TAF1: variants seen among roughly 807,000 people sequenced by gnomAD.
TAF1 encodes the protein transcription initiation factor TFIID subunit 1.
Under a neutral mutation model 138.5 loss-of-function variants are expected in TAF1, and 2 were observed. The ratio of observed to expected loss-of-function variants is 0.01; its 90% CI spans 0.01 to 0.05. The LOEUF (loss-of-function observed/expected upper bound fraction) is 0.05. Among genes scored for constraint, TAF1 ranks in the 10% least tolerant of loss-of-function variants. The pLI is 1.00. For synonymous variants in TAF1, 437 were observed against 503.2 expected (o/e 0.87, Z 1.76); for missense variants, 709 against 1,478.0 (o/e 0.48, Z 8.53).
At chrX:71,457,556 A>T (rs1476384874) in intron 34 of TAF1, among the ~76,000 whole-genome samples, 1 of 112,225 alleles carries the variant, frequency 8.9e-6, no homozygotes, top group Non-Finnish European at 1.9e-5. Context: ...CAGGGCAGAA[A>T]ACAGGGAAGG....
At chrX:71,367,832 G>T (rs28382152) in intron 2 of TAF1, among the ~76,000 whole-genome samples, 1,837 of 111,299 alleles carry the variant, frequency 0.017, 33 homozygotes, top group African/African-American at 0.057. Flanking sequence ...CACCACGCCC[G>T]GCTAATTTTT....
intron 13 of TAF1, among the ~76,000 whole-genome samples, chrX:71,479,786 A>G (rs1337812568): frequency 1.8e-5 from 2 of 111,505 alleles, no homozygotes; most frequent in Non-Finnish European, 3.8e-5. Flanking sequence ...AATGTCAGAT[A>G]TACTTTTGTA....
chrX:71,413,053 T>C (rs1206613182), intron 28 of TAF1, among the ~76,000 whole-genome samples: 3 of 111,475 alleles, frequency 2.7e-5, no homozygotes, highest in Non-Finnish European at 5.6e-5. Flanking sequence ...AAATCCTCAT[T>C]GGAGCATTTG....
At position 71,460,812 on chromosome X, in the gene TAF1, C is replaced by G. The variant is rs1368574385; in HGVS notation, c.5399+9C>G. ...GAGGATAGCAACATCAGGTAATCGA[C>G]AGCAACATGCTACAGGGCTGTGGCA... On this transcript the variant is annotated intron_variant, in intron 37 of 37. Coordinates refer to ENST00000423759, the MANE Select transcript of TAF1 (RefSeq NM_004606.5). The G allele has an allele frequency of 8.5e-7, 1 of 1,176,802 alleles. No individual in the cohort carries two copies. The highest frequency in any genetic ancestry group is 2.5e-5 in the Admixed American group (1 of 40,036).
rs780967244 is a variant in TAF1 at position 71,421,352 on chromosome X, T to G, written c.4428T>G (p.Asp1476Glu). 7 of 1,206,128 alleles carry G rather than the reference T, an allele frequency of 5.8e-6. No individual in the cohort carries two copies. In the South Asian group the frequency reaches 1.2e-4, roughly 21 times the overall value. ...CTCAGATCTCTCAATCCATGCTGGATCTCTGTGATGAAAAACTCAAAGAGG... is the reference window on the plus strand; with the variant it reads ...CTCAGATCTCTCAATCCATGCTGGAGCTCTGTGATGAAAAACTCAAAGAGG... Reference protein sequence around the residue: ...SLTQISQSMLDLCDEKLKEKE... With the variant: ...SLTQISQSMLELCDEKLKEKE... The change falls in exon 29 of 38, where the codon GAT becomes GAG. Residue 1476 changes from aspartate to glutamate, a missense_variant. Around this residue, in one of 14 missense-constraint regions of TAF1, gnomAD observed 63 missense variants for 163.3 expected, o/e 0.39. Coordinates refer to ENST00000423759, the MANE Select transcript of TAF1 (RefSeq NM_004606.5).
chrX:71,450,731 ATTTC>A (rs1230775627), intron 32 of TAF1, among the ~76,000 whole-genome samples: 1 of 112,375 alleles, frequency 8.9e-6, no homozygotes, highest in Non-Finnish European at 1.9e-5. Context: ...TATCTCACTC[ATTTC>A]TATCATCTCC....
chrX:71,401,387 G>T (rs2035167929), intron 24 of TAF1, 141 bp from the exon 25 acceptor site: 3 of 689,869 alleles, frequency 4.3e-6, no homozygotes, highest in East Asian at 7.0e-5. Flanking sequence ...GCTTCACTAT[G>T]TGTGGATTTT....
At chrX:71,528,789 G>A (rs2040047520) in intron 14 of TAF1, 1 of 277,651 alleles carries the variant, frequency 3.6e-6, no homozygotes, top group East Asian at 1.0e-4. Flanking sequence ...AAGATTTATT[G>A]TGAAGAGCAA....
In TAF1 at chrX:71,408,182, G is replaced by T. The variant is rs537929098; in HGVS notation, c.4384+31G>T. On this transcript the variant is annotated intron_variant, in intron 28 of 37. Coordinates refer to ENST00000423759, the MANE Select transcript of TAF1 (RefSeq NM_004606.5). ...AATCAAATGTTCCGTGATTGCAAAG[G>T]TCACTGTTCAGATCCTTATTCCTTA... 1.4e-4 allele frequency: 170 copies of T among 1,201,666 alleles called. 1 individual carries two copies. The Admixed American group carries it at 3.6e-3, about 26-fold the overall frequency.
At chrX:71,431,003 A>ATTTTT (rs41481947) in intron 32 of TAF1, among the ~76,000 whole-genome samples, 2 of 68,601 alleles carry the variant, frequency 2.9e-5, no homozygotes, top group Non-Finnish European at 5.2e-5. Flanking sequence ...GCTCAGAAGA[A>ATTTTT]TTTTTTTTTT....
chrX:71,449,292 ATTTTGTAT>A (rs1329839723), intron 32 of TAF1, among the ~76,000 whole-genome samples: 1 of 110,519 alleles, frequency 9.0e-6, no homozygotes, highest in Non-Finnish European at 1.9e-5. Context: ...GCCCGGCCTA[ATTTTGTAT>A]TTTTAGTAGA....
chrX:71,448,807 T>C (rs2037813159), intron 32 of TAF1, among the ~76,000 whole-genome samples: 1 of 106,946 alleles, frequency 9.4e-6, no homozygotes, highest in East Asian at 2.8e-4. Context: ...GTTTTCTTTT[T>C]CTTTTTCTTT....
At chrX:71,447,986 G>C (rs2037775748) in intron 32 of TAF1, among the ~76,000 whole-genome samples, 1 of 111,716 alleles carries the variant, frequency 9.0e-6, no homozygotes, top group Non-Finnish European at 1.9e-5. Flanking sequence ...ATGTAGAGTT[G>C]CTTCAGCCAT....
chrX:71,395,242 C>T (rs2034785199), intron 22 of TAF1, among the ~76,000 whole-genome samples: 1 of 111,685 alleles, frequency 9.0e-6, no homozygotes, highest in South Asian at 3.7e-4. Context: ...GACATGCTGG[C>T]TCATGCCTGT....
intron 28 of TAF1, among the ~76,000 whole-genome samples, chrX:71,420,831 G>C (rs1204736385): frequency 8.9e-6 from 1 of 112,266 alleles, no homozygotes; most frequent in Non-Finnish European, 1.9e-5. Flanking sequence ...AGCTCCTCAG[G>C]CTACAGTTCC....
intron 35 of TAF1, 37 bp from the exon 36 acceptor site, chrX:71,459,515 G>T (rs371564922): frequency 3.3e-6 from 4 of 1,205,772 alleles, no homozygotes; most frequent in Non-Finnish European, 3.4e-6. Flanking sequence ...TATGTGGTCA[G>T]TTGATAGGAC....
intron 32 of TAF1, among the ~76,000 whole-genome samples, chrX:71,431,003 A>AT (rs41481947): frequency 0.041 from 2,840 of 68,574 alleles, 362 homozygotes; most frequent in Admixed American, 0.058. Context: ...GCTCAGAAGA[A>AT]TTTTTTTTTT....
intron 28 of TAF1, among the ~76,000 whole-genome samples, chrX:71,417,874 T>TA (rs962201898): frequency 3.6e-5 from 4 of 111,487 alleles, no homozygotes; most frequent in East Asian, 5.6e-4. Context: ...ACTCTATTTT[T>TA]AAAAAAAATT....
chrX:71,379,964 C>G (rs1189286721), intron 8 of TAF1, among the ~76,000 whole-genome samples: 2 of 110,342 alleles, frequency 1.8e-5, no homozygotes, highest in Non-Finnish European at 3.8e-5. Context: ...TCCCAAGTCC[C>G]TTTGTATTTA....
Sources: allele counts gnomAD v4.1 joint callset (sites outside exome capture counted in the v4.1 genomes callset), GRCh38; gene constraint gnomAD v4.1.1; regional missense constraint gnomAD v4.1.1; transcripts MANE v1.5; gene names NCBI Gene and HGNC (gene_info 2026-07-23, HGNC 2026-07-21).